ATRX: variants seen among roughly 807,000 people sequenced by gnomAD.
The protein encoded by ATRX is chromatin remodeler ATRX.
ATRX carries 12 observed loss-of-function variants against 172.6 expected under a neutral mutation model. The ratio of observed to expected loss-of-function variants is 0.07; its 90% CI spans 0.04 to 0.11. The LOEUF is 0.11. Among genes scored for constraint, ATRX ranks in the 10% least tolerant of loss-of-function variants. The pLI is 1.00. For missense variants in ATRX, 1,368 were observed against 1,767.4 expected (o/e 0.77, Z 4.05); for synonymous variants, 674 against 594.7 (o/e 1.13, Z -1.94).
intron 1 of ATRX, among the ~76,000 whole-genome samples, chrX:77,730,247 G>T (rs568161395): frequency 2.7e-5 from 3 of 112,004 alleles, no homozygotes; most frequent in African/African-American, 9.7e-5. Flanking sequence ...GCCAAAGAGG[G>T]TCACTATATA....
At chrX:77,641,606 C>A (rs782455358) in intron 15 of ATRX, among the ~76,000 whole-genome samples, 7 of 106,029 alleles carry the variant, frequency 6.6e-5, no homozygotes, top group African/African-American at 2.4e-4. Flanking sequence ...AAAAAAATGC[C>A]CAAACACTGA....
intron 22 of ATRX, among the ~76,000 whole-genome samples, chrX:77,606,437 G>T (rs1557090501): frequency 9.0e-6 from 1 of 110,544 alleles, no homozygotes; most frequent in African/African-American, 3.3e-5. Flanking sequence ...TTCTTTCTGA[G>T]ACCAGTATTA....
At chrX:77,716,317 A>AT (rs1443099581) in intron 2 of ATRX, among the ~76,000 whole-genome samples, 13 of 52,835 alleles carry the variant, frequency 2.5e-4, no homozygotes, top group African/African-American at 5.6e-4. Context: ...AAAAAAAAAA[A>AT]AAAAAAATAT....
chrX:77,540,620 CAG>C (rs2063939604), intron 30 of ATRX, among the ~76,000 whole-genome samples: 1 of 112,140 alleles, frequency 8.9e-6, no homozygotes, highest in Non-Finnish European at 1.9e-5. Flanking sequence ...AACAGTCTCT[CAG>C]AACACAGCGC....
chrX:77,531,917 A>C (rs2063588233), intron 30 of ATRX, among the ~76,000 whole-genome samples: 1 of 112,280 alleles, frequency 8.9e-6, no homozygotes, highest in African/African-American at 3.2e-5. Context: ...TTAAGCTGAT[A>C]AGAAACTTCA....
intron 7 of ATRX, 121 bp downstream of exon 7, chrX:77,688,697 T>C: frequency 1.8e-6 from 1 of 567,460 alleles, no homozygotes; most frequent in South Asian, 2.5e-5. Context: ...CCCACTATAG[T>C]AGAAGTCTTC....
At chrX:77,724,221 G>A (rs1324854918) in intron 1 of ATRX, among the ~76,000 whole-genome samples, 1 of 109,585 alleles carries the variant, frequency 9.1e-6, no homozygotes, top group Non-Finnish European at 1.9e-5. Context: ...AGACTGCAGT[G>A]AGCCAAGATC....
intron 28 of ATRX, among the ~76,000 whole-genome samples, chrX:77,569,239 C>T (rs1450202715): frequency 9.0e-6 from 1 of 111,674 alleles, no homozygotes; most frequent in African/African-American, 3.3e-5. Context: ...TCCACTCTCA[C>T]CATTGCTACT....
intron 30 of ATRX, among the ~76,000 whole-genome samples, chrX:77,537,190 G>C (rs782442944): frequency 3.6e-5 from 4 of 112,004 alleles, no homozygotes; most frequent in Admixed American, 1.9e-4. Context: ...CTTTGTCCTT[G>C]AGCAAGTTAA....
At chrX:77,591,794 G>A (rs1303477073) in intron 26 of ATRX, among the ~76,000 whole-genome samples, 1 of 111,994 alleles carries the variant, frequency 8.9e-6, no homozygotes, top group Non-Finnish European at 1.9e-5. Context: ...GTTCTTGAAA[G>A]TTCCCGTAAG....
intron 1 of ATRX, among the ~76,000 whole-genome samples, chrX:77,782,138 G>A (rs782093434): frequency 2.1e-4 from 23 of 111,704 alleles, no homozygotes; most frequent in African/African-American, 7.1e-4. Flanking sequence ...ATATTTAAAT[G>A]CTTTTTAAAA....
At chrX:77,585,642 C>A (rs113486813) in intron 27 of ATRX, among the ~76,000 whole-genome samples, 1 of 86,661 alleles carries the variant, frequency 1.2e-5, no homozygotes, top group Non-Finnish European at 2.2e-5. Flanking sequence ...CAATCCCACT[C>A]CTAGGTATAT....
chrX:77,538,795 G>A (rs996112160), intron 30 of ATRX, among the ~76,000 whole-genome samples: 22 of 111,127 alleles, frequency 2.0e-4, no homozygotes, highest in African/African-American at 5.9e-4. Context: ...AGACTGAGGC[G>A]CAGACATTAA....
chrX:77,546,767 T>C (rs1431832894), intron 30 of ATRX, among the ~76,000 whole-genome samples: 3 of 111,893 alleles, frequency 2.7e-5, no homozygotes, highest in East Asian at 5.6e-4. Flanking sequence ...TAGAGGTGTG[T>C]GCCACTGTGT....
intron 30 of ATRX, among the ~76,000 whole-genome samples, chrX:77,541,112 G>A (rs374004269): frequency 4.5e-5 from 5 of 111,340 alleles, no homozygotes; most frequent in East Asian, 2.8e-4. Context: ...TCAAATAGAC[G>A]CAATAAAAAA....
At chrX:77,590,368 T>C (rs1312449587) in intron 26 of ATRX, among the ~76,000 whole-genome samples, 1 of 110,677 alleles carries the variant, frequency 9.0e-6, no homozygotes, top group Non-Finnish European at 1.9e-5. Context: ...CCCAGCATTT[T>C]GGGAGACCGA....
intron 2 of ATRX, among the ~76,000 whole-genome samples, chrX:77,708,752 G>A (rs2072963517): frequency 8.9e-6 from 1 of 112,135 alleles, no homozygotes; most frequent in African/African-American, 3.2e-5. Flanking sequence ...TAGCTAAAGG[G>A]TATGGAGTTT....
intron 19 of ATRX, among the ~76,000 whole-genome samples, chrX:77,630,906 T>C (rs2068077278): frequency 9.0e-6 from 1 of 111,352 alleles, no homozygotes; most frequent in Non-Finnish European, 1.9e-5. Context: ...TTTTAAAGAT[T>C]AGTACTGAAA....
chrX:77,692,762 A>G (rs939448515), intron 6 of ATRX, among the ~76,000 whole-genome samples: 21 of 111,669 alleles, frequency 1.9e-4, no homozygotes, highest in Non-Finnish European at 3.6e-4. Context: ...AATCACACAC[A>G]AACAAGTGGG....
Sources: allele counts gnomAD v4.1 joint callset (sites outside exome capture counted in the v4.1 genomes callset), GRCh38; gene constraint gnomAD v4.1.1; transcripts MANE v1.5; gene names NCBI Gene and HGNC (gene_info 2026-07-23, HGNC 2026-07-21).